DMBX1: variants seen among roughly 807,000 people sequenced by gnomAD.
DMBX1 encodes the protein diencephalon/mesencephalon homeobox protein 1.
A neutral mutation model predicts 30.4 loss-of-function variants in DMBX1; 7 were observed. That is an observed-to-expected ratio of 0.23 (90% CI 0.13 to 0.43). The LOEUF (loss-of-function observed/expected upper bound fraction) is 0.43. Among genes scored for constraint, DMBX1 ranks in the 20% least tolerant of loss-of-function variants. The pLI is 1.00. For synonymous variants in DMBX1, 222 were observed against 214.2 expected (o/e 1.04, Z -0.32); for missense variants, 460 against 508.5 (o/e 0.90, Z 0.92).
intron 2 of DMBX1, among the ~76,000 whole-genome samples, chr1:46,506,442 G>A (rs1666237372): frequency 1.3e-5 from 2 of 152,242 alleles, no homozygotes; most frequent in Admixed American, 1.3e-4. Flanking sequence ...ATGGATATTG[G>A]TTGAATAAGT....
chr1:46,507,611 C>T (rs1442302764), intron 3 of DMBX1, among the ~76,000 whole-genome samples: 1 of 152,202 alleles, frequency 6.6e-6, no homozygotes, highest in Non-Finnish European at 1.5e-5. Context: ...CTGTGGGAGT[C>T]TCTCTCTTTC....
intron 2 of DMBX1, among the ~76,000 whole-genome samples, chr1:46,498,318 A>T (rs1179071983): frequency 1.3e-5 from 2 of 152,156 alleles, no homozygotes; most frequent in Non-Finnish European, 2.9e-5. Flanking sequence ...CCTCCCTCAC[A>T]ATCTCTTGGT....
intron 2 of DMBX1, among the ~76,000 whole-genome samples, chr1:46,499,724 G>T (rs1569884383): frequency 6.6e-6 from 1 of 152,308 alleles, no homozygotes; most frequent in South Asian, 2.1e-4. Context: ...TGGGGGCGGG[G>T]TGGGTGTCCA....
At position 46,512,318 on chromosome 1, in the gene DMBX1, T is replaced by A. The variant is rs1208221034; in HGVS notation, c.958T>A (p.Ser320Thr). ...LHCQSYYQSL[S>T]AAAAAHQGVW... ...CTGCCAGTCCTACTACCAGTCCCTG[T>A]CAGCAGCCGCTGCTGCCCACCAGGG... is the stretch of plus-strand genomic sequence containing the variant. The change falls in exon 6 of 6, where the codon TCA becomes ACA. Residue 320 changes from serine (S) to threonine (T), a missense_variant. Ser to Thr is a moderately conservative substitution (Grantham distance 58). Coordinates refer to ENST00000360032, the MANE Select transcript of DMBX1 (RefSeq NM_172225.2). This position sits in a 1 kb window ranked among gnomAD's most constrained non-coding sequence, Gnocchi z 4.8. 3.1e-6 allele frequency: 5 copies of A among 1,613,562 alleles called. No individual in the cohort carries two copies. The highest frequency in any genetic ancestry group is 4.2e-6 in the Non-Finnish European group (5 of 1,179,910).
intron 1 of DMBX1, among the ~76,000 whole-genome samples, chr1:46,490,370 A>G (rs948240405): frequency 6.6e-6 from 1 of 152,098 alleles, no homozygotes; most frequent in African/African-American, 2.4e-5. Flanking sequence ...GAAAAAAAAA[A>G]TACAAAAAAG....
rs781013613 is a variant in DMBX1 at position 46,511,147 on chromosome 1, A to C, written c.546A>C (p.Ser182=). 4 of 1,613,994 alleles carry C rather than the reference A, an allele frequency of 2.5e-6. No individual in the cohort carries two copies. Among genetic ancestry groups the C allele is most frequent in the Non-Finnish European group, 3.4e-6 (4 of 1,180,008 alleles). ...AELHLSLSEQ[S]ASESAPEDQP... ...TTCACCTGAGTCTGTCTGAGCAGTC[A>C]GCCAGTGAGTCAGCCCCCGAGGATC... is the stretch of plus-strand genomic sequence containing the variant. The change falls in exon 5 of 6, where the codon TCA becomes TCC. Residue 182 remains serine, a synonymous_variant. Transcript: ENST00000360032.
At chr1:46,492,467 T>C (rs931368505) in intron 2 of DMBX1, among the ~76,000 whole-genome samples, 2 of 151,834 alleles carry the variant, frequency 1.3e-5, no homozygotes, top group African/African-American at 4.8e-5. Context: ...AAATGAGGAG[T>C]CCACCATAGC....
intron 3 of DMBX1, 24 bp downstream of exon 3, chr1:46,507,188 A>G: frequency 1.9e-6 from 3 of 1,613,418 alleles, no homozygotes; most frequent in Middle Eastern, 1.7e-4. Context: ...GGATGGGACC[A>G]TGGGGACAGG....
Position 46,494,099 on chromosome 1 carries a change from G to A in DMBX1, c.-13+3316G>A, listed in dbSNP as rs113872123. On this transcript the variant is annotated intron_variant, in intron 2 of 5. Coordinates refer to ENST00000360032, the MANE Select transcript of DMBX1 (RefSeq NM_172225.2). ...CCCAAGTCTCCTCGATCTCCAGTGT[G>A]CTAGCTGTATCTCTGCCAGAAAGGA... Among the ~76,000 whole-genome samples the A allele has an allele frequency of 4.7e-3, 713 of 152,360 alleles. 5 individuals carry two copies. Among genetic ancestry groups the A allele is most frequent in the African/African-American group, 0.016 (685 of 41,582 alleles).
intron 2 of DMBX1, among the ~76,000 whole-genome samples, chr1:46,492,847 A>T (rs1665954750): frequency 6.6e-6 from 1 of 152,076 alleles, no homozygotes; most frequent in Non-Finnish European, 1.5e-5. Context: ...CACAGGTTAA[A>T]CTCACGCAGA....
chr1:46,496,809 G>C (rs1666032939), intron 2 of DMBX1, among the ~76,000 whole-genome samples: 1 of 152,208 alleles, frequency 6.6e-6, no homozygotes, highest in African/African-American at 2.4e-5. Context: ...GCTAGCCAAG[G>C]TCACAAAGCA....
Position 46,510,726 on chromosome 1 carries a change from G to A in DMBX1, c.333+72G>A, listed in dbSNP as rs1354008309. On this transcript the variant is annotated intron_variant, in intron 4 of 5. Coordinates refer to ENST00000360032, the MANE Select transcript of DMBX1 (RefSeq NM_172225.2). This position sits in a 1 kb window ranked among gnomAD's most constrained non-coding sequence, Gnocchi z 4.1. ...CATCAGTCTGCCCGCTTGTCCAGGA[G>A]CCAGCATGTCATCCCTGTGCCAAGG... 2.6e-6 allele frequency: 4 copies of A among 1,533,338 alleles called. No individual in the cohort carries two copies. In the African/African-American group the frequency reaches 4.1e-5, roughly 16 times the overall value. The allele number at this position is 1,533,338 out of a possible 1,614,324, so 95.0% of individuals were successfully genotyped here. A position where few individuals can be genotyped will look rare whatever the true frequency, so the allele number is the denominator to read the frequency against.
At position 46,512,092 on chromosome 1, in the gene DMBX1, C is replaced by T. The variant is rs780166606; in HGVS notation, c.732C>T (p.Leu244=). Residue 244 remains leucine, a synonymous_variant, in exon 6 of 6, where the codon CTC becomes CTT. Coordinates refer to ENST00000360032, the MANE Select transcript of DMBX1 (RefSeq NM_172225.2). This position sits in a 1 kb window ranked among gnomAD's most constrained non-coding sequence, Gnocchi z 4.8. ...TITPVAPGGG[L]LGPSHSYSSS... is the part of the protein sequence containing the mutation. ...CTCCTGTGGCCCCAGGGGGTGGCCT[C>T]CTGGGCCCCTCCCACTCCTATTCCT... 1.2e-6 allele frequency: 2 copies of T among 1,613,636 alleles called. No individual in the cohort carries two copies. The highest frequency in any genetic ancestry group is 1.7e-5 in the Admixed American group (1 of 59,998).
Position 46,493,407 on chromosome 1 carries a change from C to T in DMBX1, c.-13+2624C>T, listed in dbSNP as rs1665968349. ...TCCAGCCCTCCCGCCGTTCAGTGGC[C>T]TCTCTTTCTATTTAGTCACCTGTCC... On this transcript the variant is annotated intron_variant, in intron 2 of 5. Coordinates refer to ENST00000360032, the MANE Select transcript of DMBX1 (RefSeq NM_172225.2). This position sits in a 1 kb window ranked among gnomAD's most constrained non-coding sequence, Gnocchi z 4.1. 6.6e-6 allele frequency among the ~76,000 whole-genome samples: 1 copy of T among 152,200 alleles called. No homozygotes were observed. The highest frequency in any genetic ancestry group is 1.5e-5 in the Non-Finnish European group (1 of 68,038).
At chr1:46,501,792 T>C (rs1401510221) in intron 2 of DMBX1, among the ~76,000 whole-genome samples, 1 of 152,228 alleles carries the variant, frequency 6.6e-6, no homozygotes, top group Non-Finnish European at 1.5e-5. Context: ...TAGCTGGGAC[T>C]ACAGGTGTGT....
chr1:46,496,080 G>A (rs527920728), intron 2 of DMBX1, among the ~76,000 whole-genome samples: 2 of 152,346 alleles, frequency 1.3e-5, no homozygotes, highest in Admixed American at 6.5e-5. Flanking sequence ...GGCAGGGGGA[G>A]GAAGAGGCTG....
chr1:46,490,236 G>A (rs1436137385), intron 1 of DMBX1, among the ~76,000 whole-genome samples: 1 of 152,234 alleles, frequency 6.6e-6, no homozygotes, highest in Admixed American at 6.5e-5. Flanking sequence ...CGGAGGGCAA[G>A]CCGTGGGTAG....
chr1:46,490,576 C>T (rs1665911351), intron 1 of DMBX1, among the ~76,000 whole-genome samples, 68 bp from the exon 2 acceptor site: 1 of 152,232 alleles, frequency 6.6e-6, no homozygotes, highest in South Asian at 2.1e-4. Flanking sequence ...CTCCCAGCTT[C>T]CTGGTCCACG....
intron 3 of DMBX1, among the ~76,000 whole-genome samples, chr1:46,508,209 G>A (rs1393051018): frequency 2.6e-5 from 4 of 152,134 alleles, no homozygotes; most frequent in African/African-American, 9.7e-5. Flanking sequence ...GAACTCCTAG[G>A]GAGAACAGGT....
Sources: allele counts gnomAD v4.1 joint callset (sites outside exome capture counted in the v4.1 genomes callset), GRCh38; gene constraint gnomAD v4.1.1; non-coding constraint Gnocchi (gnomAD v3.1); transcripts MANE v1.5; gene names NCBI Gene and HGNC (gene_info 2026-07-23, HGNC 2026-07-21).